The following CNTNAP2 variants were observed in gnomAD, a reference collection of about 807,000 sequenced individuals.
CNTNAP2 encodes the protein contactin associated protein 2, also known as contactin-associated protein-like 2.
In CNTNAP2, 98 loss-of-function variants were observed where a neutral mutation model predicts 155.2. The ratio of observed to expected loss-of-function variants is 0.63; its 90% CI spans 0.54 to 0.75. The LOEUF is 0.75. Ranked by LOEUF, CNTNAP2 falls within the 30% of genes least tolerant of loss-of-function variation. The pLI is 0.00. For missense variants in CNTNAP2, 1,727 were observed against 1,688.1 expected (o/e 1.02, Z -0.40); for synonymous variants, 651 against 631.2 (o/e 1.03, Z -0.47).
In CNTNAP2 at chr7:146,168,856, A is replaced by G. The variant is rs567585583; in HGVS notation, c.97+51883A>G. Among the ~76,000 whole-genome samples, 3 of 152,230 alleles carry G rather than the reference A, an allele frequency of 2.0e-5. No individual in the cohort carries two copies. In the South Asian group the frequency reaches 6.2e-4, roughly 32 times the overall value. On this transcript the variant is annotated intron_variant, in intron 1 of 23. Coordinates refer to ENST00000361727, the MANE Select transcript of CNTNAP2 (RefSeq NM_014141.6). Reference sequence around the variant, plus strand: ...ATCACTTCTCTGCTCAAAACCCTGAAATGGCTGTCCATTTCACTCAGGATA... The same window carrying G: ...ATCACTTCTCTGCTCAAAACCCTGAGATGGCTGTCCATTTCACTCAGGATA...
intron 9 of CNTNAP2, among the ~76,000 whole-genome samples, chr7:147,310,503 C>G: frequency 6.6e-6 from 1 of 151,988 alleles, no homozygotes; most frequent in East Asian, 1.9e-4. Flanking sequence ...AATTTTTTAG[C>G]AAATATCTTC....
At chr7:147,594,516 AAAGAT>A (rs769251474) in intron 12 of CNTNAP2, among the ~76,000 whole-genome samples, 2 of 152,212 alleles carry the variant, frequency 1.3e-5, no homozygotes, top group African/African-American at 2.4e-5. Flanking sequence ...TAGCAGATAT[AAAGAT>A]TTCTAAGTCA....
chr7:146,445,063 TA>T (rs1157626858), intron 1 of CNTNAP2, among the ~76,000 whole-genome samples: 1 of 152,134 alleles, frequency 6.6e-6, no homozygotes, highest in Non-Finnish European at 1.5e-5. Context: ...AACTTCCTTC[TA>T]ATAAGTATTA....
chr7:147,053,930 C>T (rs1799514756), intron 4 of CNTNAP2, among the ~76,000 whole-genome samples: 2 of 152,080 alleles, frequency 1.3e-5, no homozygotes, highest in Non-Finnish European at 1.5e-5. Context: ...GAAAAGTTCC[C>T]AAGAGACCAT....
intron 1 of CNTNAP2, among the ~76,000 whole-genome samples, chr7:146,225,504 C>T (rs2116904179): frequency 6.6e-6 from 1 of 152,296 alleles, no homozygotes; most frequent in South Asian, 2.1e-4. Context: ...CACGTAGATT[C>T]ATGAGACTCA....
intron 8 of CNTNAP2, among the ~76,000 whole-genome samples, chr7:147,229,105 A>G (rs934184489): frequency 4.6e-5 from 7 of 151,976 alleles, no homozygotes; most frequent in Admixed American, 3.9e-4. Context: ...TGCAAATCTA[A>G]CCTGGGAAAA....
chr7:146,918,195 G>A (rs1279540531), intron 3 of CNTNAP2, among the ~76,000 whole-genome samples: 2 of 152,012 alleles, frequency 1.3e-5, no homozygotes, highest in Non-Finnish European at 2.9e-5. Context: ...AGTATTGAGA[G>A]GTGAGGTATT....
At chr7:147,339,905 G>C (rs1013787051) in intron 9 of CNTNAP2, among the ~76,000 whole-genome samples, 1 of 152,134 alleles carries the variant, frequency 6.6e-6, no homozygotes, top group Non-Finnish European at 1.5e-5. Context: ...AACTGAGTCA[G>C]CTTAGCTTGG....
intron 14 of CNTNAP2, among the ~76,000 whole-genome samples, chr7:147,964,391 C>A (rs1801169224): frequency 6.6e-6 from 1 of 152,136 alleles, no homozygotes. Flanking sequence ...ATTTTGTTCA[C>A]CTCAAGGAAA....
At chr7:147,883,042 G>T (rs1585009023) in intron 13 of CNTNAP2, among the ~76,000 whole-genome samples, 4 of 152,280 alleles carry the variant, frequency 2.6e-5, no homozygotes, top group Admixed American at 2.6e-4. Context: ...TCTGAACACT[G>T]ATATAACTGT....
chr7:147,432,952 C>A (rs1356577568), intron 10 of CNTNAP2, among the ~76,000 whole-genome samples: 3 of 152,170 alleles, frequency 2.0e-5, no homozygotes, highest in African/African-American at 4.8e-5. Flanking sequence ...CACCCAATAG[C>A]CTTTAACAAG....
chr7:146,480,531 T>G (rs946647873), intron 1 of CNTNAP2, among the ~76,000 whole-genome samples: 1 of 151,890 alleles, frequency 6.6e-6, no homozygotes, highest in Non-Finnish European at 1.5e-5. Flanking sequence ...CATAAAGAAG[T>G]TGATGCACCT....
At chr7:148,099,628 C>T (rs770891276) in intron 15 of CNTNAP2, among the ~76,000 whole-genome samples, 4 of 151,990 alleles carry the variant, frequency 2.6e-5, no homozygotes, top group South Asian at 2.1e-4. Flanking sequence ...CCCTCATCTG[C>T]GTAGTTCCAG....
chr7:148,406,189 G>A lies in CNTNAP2; in HGVS notation c.3716-3202G>A, dbSNP rs894544098. On this transcript the variant is annotated intron_variant, in intron 22 of 23. Coordinates refer to ENST00000361727, the MANE Select transcript of CNTNAP2 (RefSeq NM_014141.6). ...AGAGCTTGCAGTGAGCTGAGATCGC[G>A]CCACTGCACTCCAACCTGGGGGACA... 5.3e-5 allele frequency among the ~76,000 whole-genome samples: 8 copies of A among 151,960 alleles called. No homozygotes were observed. The East Asian group carries it at 7.9e-4, about 15-fold the overall frequency.
At chr7:146,984,725 T>C (rs758642090) in intron 3 of CNTNAP2, among the ~76,000 whole-genome samples, 6 of 152,194 alleles carry the variant, frequency 3.9e-5, no homozygotes, top group Non-Finnish European at 5.9e-5. Context: ...AGTATTTCTG[T>C]CTCTAATATT....
chr7:146,946,946 T>C (rs1797189457), intron 3 of CNTNAP2, among the ~76,000 whole-genome samples: 1 of 152,184 alleles, frequency 6.6e-6, no homozygotes, highest in African/African-American at 2.4e-5. Context: ...TTTATAGATA[T>C]TTTTGTTCCT....
intron 1 of CNTNAP2, among the ~76,000 whole-genome samples, chr7:146,345,128 G>A (rs936977571): frequency 6.6e-6 from 1 of 152,142 alleles, no homozygotes; most frequent in Non-Finnish European, 1.5e-5. Flanking sequence ...AAGTGGCTTG[G>A]TGGTTGTACT....
chr7:146,953,502 T>C (rs1563018777), intron 3 of CNTNAP2, among the ~76,000 whole-genome samples: 2 of 152,018 alleles, frequency 1.3e-5, no homozygotes, highest in Admixed American at 1.3e-4. Flanking sequence ...CTATTTTTAC[T>C]TTTCTGGAAA....
chr7:146,205,625 A>G (rs781282114), intron 1 of CNTNAP2, among the ~76,000 whole-genome samples: 69 of 152,004 alleles, frequency 4.5e-4, no homozygotes, highest in Non-Finnish European at 8.8e-4. Context: ...TTTCTAGGGA[A>G]AAATAAATAA....
Sources: allele counts gnomAD v4.1 joint callset (sites outside exome capture counted in the v4.1 genomes callset), GRCh38; gene constraint gnomAD v4.1.1; transcripts MANE v1.5; gene names NCBI Gene and HGNC (gene_info 2026-07-23, HGNC 2026-07-21).